The following ANKRD55 variants were observed in gnomAD, a reference collection of about 807,000 sequenced individuals.
ANKRD55 encodes the protein ankyrin repeat domain 55, also known as ankyrin repeat domain-containing protein 55.
In ANKRD55, 41 loss-of-function variants were observed where a neutral mutation model predicts 60.6. That is an observed-to-expected ratio of 0.68 (90% confidence interval 0.53 to 0.88). The LOEUF (loss-of-function observed/expected upper bound fraction) is 0.88. Among genes scored for constraint, ANKRD55 ranks in the 40% least tolerant of loss-of-function variants. The probability of loss-of-function intolerance (pLI) is 0.00; values close to 1 mark genes in which losing one functional copy is unlikely to be tolerated. For synonymous variants in ANKRD55, 264 were observed against 290.3 expected (o/e 0.91, Z 0.92); for missense variants, 732 against 767.6 (o/e 0.95, Z 0.55).
intron 2 of ANKRD55, among the ~76,000 whole-genome samples, chr5:56,194,826 G>C (rs1429455389): frequency 6.6e-6 from 1 of 152,054 alleles, no homozygotes; most frequent in African/African-American, 2.4e-5. Context: ...CCACTCTCAG[G>C]AATTACTAAG....
chr5:56,170,809 A>G lies in ANKRD55; in HGVS notation c.313-6T>C, dbSNP rs377166007. 1.8e-4 allele frequency: 294 copies of G among 1,613,006 alleles called. No homozygotes were observed. Among genetic ancestry groups the G allele is most frequent in the Non-Finnish European group, 2.4e-4 (287 of 1,179,072 alleles). On this transcript the variant is annotated splice_region_variant and splice_polypyrimidine_tract_variant and intron_variant, in intron 4 of 11. Transcript: ENST00000341048. ...ACACAGCCTTCAAGCCAGCCCTGAA[A>G]TACAAGAGCAACCACATCATTATAT...
intron 5 of ANKRD55, among the ~76,000 whole-genome samples, chr5:56,168,055 G>A (rs1758523964): frequency 6.6e-6 from 1 of 152,180 alleles, no homozygotes; most frequent in South Asian, 2.1e-4. Context: ...TTGGATTGGA[G>A]GCATTGTTGG....
At chr5:56,200,509 G>A (rs905996821) in intron 2 of ANKRD55, among the ~76,000 whole-genome samples, 3 of 152,232 alleles carry the variant, frequency 2.0e-5, no homozygotes, top group Non-Finnish European at 4.4e-5. Flanking sequence ...ACACGTAATA[G>A]GCTATTAAAA....
In ANKRD55 at chr5:56,112,984, T is replaced by C. The variant is rs149162430; in HGVS notation, c.966-1202A>G. 7.4e-3 allele frequency among the ~76,000 whole-genome samples: 1,133 copies of C among 152,316 alleles called. 11 individuals carry two copies. The Middle Eastern group carries it at 0.1, about 14-fold the overall frequency. On this transcript the variant is annotated intron_variant, in intron 9 of 11. Coordinates refer to ENST00000341048, the MANE Select transcript of ANKRD55 (RefSeq NM_024669.3). ...TCACCTTCCAATGGGCTTTTTGAAA[T>C]ACTGAATTCTAGACTCCTAATACCA...
At chr5:56,167,877 G>A (rs1758520556) in intron 5 of ANKRD55, among the ~76,000 whole-genome samples, 1 of 152,084 alleles carries the variant, frequency 6.6e-6, no homozygotes, top group Non-Finnish European at 1.5e-5. Flanking sequence ...AGTACACTTG[G>A]GTTGATTTTC....
chr5:56,109,923 C>A (rs1756622566), intron 10 of ANKRD55, among the ~76,000 whole-genome samples: 1 of 151,872 alleles, frequency 6.6e-6, no homozygotes, highest in African/African-American at 2.4e-5. Context: ...GAGGCTGAGG[C>A]AGGAGAATCG....
At chr5:56,136,703 T>A (rs1432767880) in intron 7 of ANKRD55, among the ~76,000 whole-genome samples, 1 of 152,082 alleles carries the variant, frequency 6.6e-6, no homozygotes, top group Non-Finnish European at 1.5e-5. Context: ...GGAGGATCAC[T>A]TGAGTCCCGG....
intron 2 of ANKRD55, among the ~76,000 whole-genome samples, chr5:56,227,571 T>C (rs1760151394): frequency 6.6e-6 from 1 of 151,632 alleles, no homozygotes; most frequent in Non-Finnish European, 1.5e-5. Flanking sequence ...AATAAGAGCT[T>C]GATTGTGAAA....
At chr5:56,124,086 C>T (rs79188399) in intron 8 of ANKRD55, among the ~76,000 whole-genome samples, 1,931 of 152,226 alleles carry the variant, frequency 0.013, 23 homozygotes, top group Middle Eastern at 0.031. Context: ...TGTAAACATT[C>T]CCCAGAGAAT....
chr5:56,102,526 C>T lies in ANKRD55; in HGVS notation c.1691G>A (p.Arg564Gln), dbSNP rs756382232. The T allele has an allele frequency of 7.4e-6, 12 of 1,613,368 alleles. No homozygotes were observed. The highest frequency in any genetic ancestry group is 3.3e-5 in the Admixed American group (2 of 59,944). Residue 564 changes from arginine to glutamine, a missense_variant, in exon 11 of 12, where the codon CGG (arginine) becomes CAG (glutamine). By Grantham distance (43) the Arg-to-Gln change is conservative. Coordinates refer to ENST00000341048, the MANE Select transcript of ANKRD55 (RefSeq NM_024669.3). ...RHKIRDLPFT[R>Q]NNLAPLPDQK... Reference sequence around the variant, plus strand: ...ATCTGGTAGGGGAGCTAGGTTGTTCCGAGTGAAAGGAAGATCCCTGATTTT... The same window carrying T: ...ATCTGGTAGGGGAGCTAGGTTGTTCTGAGTGAAAGGAAGATCCCTGATTTT...
intron 6 of ANKRD55, among the ~76,000 whole-genome samples, chr5:56,155,196 C>A (rs1758162024): frequency 6.8e-6 from 1 of 147,340 alleles, no homozygotes. Context: ...GCACTCCAGT[C>A]TGAGTGACAG....
At chr5:56,147,087 C>T (rs1309783894) in intron 6 of ANKRD55, among the ~76,000 whole-genome samples, 1 of 152,176 alleles carries the variant, frequency 6.6e-6, no homozygotes, top group Non-Finnish European at 1.5e-5. Context: ...GGGAGGAGTG[C>T]TATCATTTTT....
intron 2 of ANKRD55, among the ~76,000 whole-genome samples, chr5:56,200,097 T>G (rs1759330935): frequency 1.3e-5 from 2 of 152,180 alleles, no homozygotes; most frequent in Admixed American, 1.3e-4. Flanking sequence ...ACTTTCTATA[T>G]TTTTCAAATT....
rs10940499 is a variant in ANKRD55, at chr5:56,173,584, A to C, written c.312+2568T>G. Among the ~76,000 whole-genome samples, 953 of 96,526 alleles carry C rather than the reference A, an allele frequency of 9.9e-3. 5 individuals are homozygous for C. Among genetic ancestry groups the C allele is most frequent in the African/African-American group, 0.018 (395 of 21,586 alleles). 63.3% of individuals were successfully genotyped at this position (96,526 alleles called of 152,430 possible). A position where few individuals can be genotyped will look rare whatever the true frequency, so the allele number is the denominator to read the frequency against. ...TCTCTCTCTCTCTCTCTCTCTCTCT[A>C]TATATATATATATATATATATATCT... is the stretch of plus-strand genomic sequence containing the variant. On this transcript the variant is annotated intron_variant, in intron 4 of 11. Transcript: ENST00000341048.
intron 7 of ANKRD55, among the ~76,000 whole-genome samples, chr5:56,138,594 T>C (rs533241397): frequency 2.4e-4 from 36 of 152,376 alleles, no homozygotes; most frequent in Non-Finnish European, 4.6e-4. Context: ...GCAACCAATA[T>C]GTCCTTGCAT....
At chr5:56,230,050 C>T (rs1760212330) in intron 2 of ANKRD55, among the ~76,000 whole-genome samples, 1 of 152,156 alleles carries the variant, frequency 6.6e-6, no homozygotes, top group South Asian at 2.1e-4. Context: ...CTGGAATCTC[C>T]CTGGGTGGGA....
intron 10 of ANKRD55, among the ~76,000 whole-genome samples, chr5:56,107,351 C>G (rs1304453694): frequency 2.6e-5 from 4 of 152,120 alleles, no homozygotes; most frequent in African/African-American, 9.7e-5. Flanking sequence ...AGAAATTCAC[C>G]TTCCCCTTTC....
rs138775985 is a variant in ANKRD55, at chr5:56,212,667, A to G, written c.58+20189T>C. Among the ~76,000 whole-genome samples the G allele has an allele frequency of 2.5e-3, 381 of 152,360 alleles. 2 individuals carry two copies. Among genetic ancestry groups the G allele is most frequent in the African/African-American group, 8.5e-3 (352 of 41,592 alleles). The stretch of plus-strand genomic sequence containing the variant: ...TTTAAAGATGAGAAAATTGAAGCAC[A>G]GAAAGGTTCAACAACTTTCCCAGAG... On this transcript the variant is annotated intron_variant, in intron 2 of 11. Coordinates refer to ENST00000341048, the MANE Select transcript of ANKRD55 (RefSeq NM_024669.3).
intron 9 of ANKRD55, among the ~76,000 whole-genome samples, chr5:56,112,511 A>AAAAAAAACAAACAAACAAAAAAAAAAC (rs1554036588): frequency 1.2e-5 from 1 of 81,528 alleles, no homozygotes; most frequent in African/African-American, 5.4e-5. Flanking sequence ...TAGCAAAAAA[A>AAAAAAAACAAACAAACAAAAAAAAAAC]AAAAAAAAAA....
Sources: gnomAD v4.1 joint callset for allele counts (sites outside exome capture counted in the v4.1 genomes callset) on GRCh38, gnomAD v4.1.1 for gene constraint, MANE v1.5 for transcripts, NCBI Gene and HGNC (gene_info 2026-07-23, HGNC 2026-07-21) for gene names.